CCDC175: variants seen among roughly 807,000 people sequenced by gnomAD.
CCDC175 encodes coiled-coil domain-containing protein 175.
Under a neutral mutation model 114.6 loss-of-function variants are expected in CCDC175, and 100 were observed. The ratio of observed to expected loss-of-function variants is 0.87; its 90% CI spans 0.74 to 1.03. The LOEUF (loss-of-function observed/expected upper bound fraction) is 1.03. Ranked by LOEUF, CCDC175 falls within the 50% of genes least tolerant of loss-of-function variation. The pLI is 0.00. For synonymous variants in CCDC175, 306 were observed against 308.7 expected (o/e 0.99, Z 0.09); for missense variants, 880 against 917.8 (o/e 0.96, Z 0.53).
At chr14:59,554,175 C>G (rs529955707) in intron 7 of CCDC175, among the ~76,000 whole-genome samples, 1 of 152,328 alleles carries the variant, frequency 6.6e-6, no homozygotes, top group South Asian at 2.1e-4. Flanking sequence ...CTTCTCAGCA[C>G]CACACAGCAC....
At chr14:59,571,059 AG>A (rs984202922) in intron 3 of CCDC175, among the ~76,000 whole-genome samples, 8 of 151,868 alleles carry the variant, frequency 5.3e-5, no homozygotes, top group African/African-American at 1.5e-4. Context: ...CTTTTGTTGA[AG>A]GTAATTCCTG....
chr14:59,573,108 A>C (rs183554503), intron 2 of CCDC175, among the ~76,000 whole-genome samples: 214 of 152,296 alleles, frequency 1.4e-3, no homozygotes, highest in African/African-American at 4.9e-3. Flanking sequence ...AAAGACTAAC[A>C]AAAATAGTAA....
chr14:59,560,387 C>G (rs1466217575), intron 7 of CCDC175, among the ~76,000 whole-genome samples: 1 of 152,148 alleles, frequency 6.6e-6, no homozygotes, highest in East Asian at 1.9e-4. Context: ...TTATAAGACT[C>G]CATCTTCTTG....
rs1897053394 is a variant in CCDC175, at chr14:59,575,420, C to T, written c.158-392G>A. ...TCAAGTATGAAAAGAGTTCAAGGTT[C>T]TAGGTCTGTCATTGACAGTGACCTC... On this transcript the variant is annotated intron_variant, in intron 1 of 19. Coordinates refer to ENST00000537690, the MANE Select transcript of CCDC175 (RefSeq NM_001164399.2). Among the ~76,000 whole-genome samples, 7 of 151,182 alleles carry T rather than the reference C, an allele frequency of 4.6e-5. 1 individual carries two copies. The South Asian group carries it at 1.5e-3, about 31-fold the overall frequency.
At chr14:59,536,986 T>A (rs568385712) in intron 13 of CCDC175, among the ~76,000 whole-genome samples, 1 of 152,260 alleles carries the variant, frequency 6.6e-6, no homozygotes, top group African/African-American at 2.4e-5. Context: ...TTTCACTATC[T>A]TGGCCAGGCT....
At chr14:59,548,543 T>C (rs531683606) in intron 8 of CCDC175, among the ~76,000 whole-genome samples, 1 of 152,346 alleles carries the variant, frequency 6.6e-6, no homozygotes, top group Non-Finnish European at 1.5e-5. Flanking sequence ...CCATGCCAGT[T>C]TAGGGGTCCT....
chr14:59,513,331 G>A (rs1005321328), intron 17 of CCDC175, among the ~76,000 whole-genome samples: 1 of 152,142 alleles, frequency 6.6e-6, no homozygotes, highest in Non-Finnish European at 1.5e-5. Context: ...AGGACAGTGG[G>A]TGCAGTGCAC....
intron 13 of CCDC175, among the ~76,000 whole-genome samples, chr14:59,533,644 G>A (rs1566608758): frequency 6.6e-6 from 1 of 152,140 alleles, no homozygotes; most frequent in East Asian, 1.9e-4. Flanking sequence ...TCATAATGCA[G>A]AAGCAGGAGT....
In CCDC175 at chr14:59,551,581, G is replaced by A. The variant is rs1321558539; in HGVS notation, c.954-145C>T. The A allele has an allele frequency of 1.2e-5, 6 of 492,956 alleles. No homozygotes were observed. The Admixed American group carries it at 1.6e-4, about 13-fold the overall frequency. The allele number at this position is 492,956 out of a possible 1,614,324, so 30.5% of individuals were successfully genotyped here. ...GGTGATTTCTGCATTTCCAACCGAAGTACCGGGTTCATCTCACTGGGGCGT... is the reference window on the plus strand; with the variant it reads ...GGTGATTTCTGCATTTCCAACCGAAATACCGGGTTCATCTCACTGGGGCGT... On this transcript the variant is annotated intron_variant, in intron 7 of 19. Coordinates refer to ENST00000537690, the MANE Select transcript of CCDC175 (RefSeq NM_001164399.2).
At chr14:59,508,026 A>C (rs1049944736) in intron 19 of CCDC175, among the ~76,000 whole-genome samples, 2 of 152,100 alleles carry the variant, frequency 1.3e-5, no homozygotes, top group Non-Finnish European at 1.5e-5. Flanking sequence ...CCTTGAAGTT[A>C]CCTATTGAGA....
chr14:59,564,204 C>T (rs188727050), intron 5 of CCDC175, among the ~76,000 whole-genome samples: 161 of 152,206 alleles, frequency 1.1e-3, no homozygotes, highest in African/African-American at 3.2e-3. Flanking sequence ...GGATTTACAA[C>T]GTACTAAGCA....
chr14:59,565,313 G>C (rs1451792099), intron 4 of CCDC175, 38 bp from the exon 5 acceptor site: 1 of 1,484,568 alleles, frequency 6.7e-7, no homozygotes, highest in Non-Finnish European at 9.0e-7. Flanking sequence ...GAGAAGCACA[G>C]CTCCTAAGAA....
intron 13 of CCDC175, among the ~76,000 whole-genome samples, chr14:59,537,013 C>T (rs1894443026): frequency 6.6e-6 from 1 of 152,146 alleles, no homozygotes; most frequent in African/African-American, 2.4e-5. Context: ...GAACTCCTGA[C>T]ATCGTGATCC....
At chr14:59,555,034 G>A (rs1895791277) in intron 7 of CCDC175, among the ~76,000 whole-genome samples, 1 of 152,114 alleles carries the variant, frequency 6.6e-6, no homozygotes, top group Non-Finnish European at 1.5e-5. Context: ...TTCTACCAGA[G>A]GTACAAGGAG....
intron 17 of CCDC175, among the ~76,000 whole-genome samples, chr14:59,512,455 C>A (rs973547638): frequency 6.6e-6 from 1 of 152,186 alleles, no homozygotes; most frequent in Non-Finnish European, 1.5e-5. Flanking sequence ...TGGAGTCACA[C>A]GTTGTTGGGG....
chr14:59,572,597 A>T, intron 3 of CCDC175, 105 bp downstream of exon 3: 1 of 595,710 alleles, frequency 1.7e-6, no homozygotes, highest in Non-Finnish European at 2.8e-6. Flanking sequence ...TATGCTTTCT[A>T]GCTCTATCTT....
intron 12 of CCDC175, 146 bp from the exon 13 acceptor site, chr14:59,538,300 AT>A: frequency 7.5e-6 from 5 of 670,432 alleles, no homozygotes; most frequent in Non-Finnish European, 9.5e-6. Flanking sequence ...TGAGAGGAAT[AT>A]TTTTTTCCTC....
intron 13 of CCDC175, among the ~76,000 whole-genome samples, chr14:59,537,748 T>C (rs1894489106): frequency 6.6e-6 from 1 of 152,162 alleles, no homozygotes; most frequent in Non-Finnish European, 1.5e-5. Flanking sequence ...CAGCTCCAAA[T>C]GGCTTCCTAC....
chr14:59,538,974 C>T (rs1003819324), intron 11 of CCDC175, 134 bp from the exon 12 acceptor site: 1 of 699,344 alleles, frequency 1.4e-6, no homozygotes, highest in Non-Finnish European at 2.2e-6. Context: ...GCAGACTACA[C>T]ACATTGCATG....
Sources: gnomAD v4.1 joint callset for allele counts (sites outside exome capture counted in the v4.1 genomes callset) on GRCh38, gnomAD v4.1.1 for gene constraint, MANE v1.5 for transcripts, NCBI Gene and HGNC (gene_info 2026-07-23, HGNC 2026-07-21) for gene names.